The following WWOX variants were observed in gnomAD, a reference collection of about 807,000 sequenced individuals.
WWOX encodes the protein WW domain containing oxidoreductase.
In WWOX, 69 loss-of-function variants were observed where a neutral mutation model predicts 46.2. That is an observed-to-expected ratio of 1.49 (90% confidence interval 1.23 to 1.82). The LOEUF (loss-of-function observed/expected upper bound fraction) is 1.82, where lower values mean the gene tolerates loss of function less well. Among genes scored for constraint, WWOX ranks in the 40% most tolerant of loss-of-function variants. WWOX has a pLI of 0.00. For missense variants in WWOX, 919 were observed against 542.6 expected (o/e 1.69, Z -6.89); for synonymous variants, 359 against 202.6 (o/e 1.77, Z -6.56).
chr16:78,788,417 T>C (rs1011718525), intron 8 of WWOX, among the ~76,000 whole-genome samples: 9 of 152,180 alleles, frequency 5.9e-5, no homozygotes, highest in East Asian at 3.9e-4. Context: ...ACCTTTTTGA[T>C]TGTGAGTCTT....
intron 8 of WWOX, among the ~76,000 whole-genome samples, chr16:78,442,963 A>G (rs1458105890): frequency 6.6e-6 from 1 of 151,836 alleles, no homozygotes; most frequent in Non-Finnish European, 1.5e-5. Flanking sequence ...TCTACCAAAA[A>G]TACAAAAAAA....
At chr16:78,717,928 G>A (rs1451870332) in intron 8 of WWOX, among the ~76,000 whole-genome samples, 2 of 152,106 alleles carry the variant, frequency 1.3e-5, no homozygotes, top group African/African-American at 4.8e-5. Flanking sequence ...AACACCAAGT[G>A]TCTTATTGTA....
At chr16:78,167,397 A>C (rs2035008599) in intron 5 of WWOX, 1 of 152,142 alleles carries the variant, frequency 6.6e-6, no homozygotes, top group African/African-American at 2.4e-5. Flanking sequence ...TCAATTTCCG[A>C]TGATAGAATT....
chr16:78,546,207 A>G lies in WWOX; in HGVS notation c.1056+113455A>G, dbSNP rs146676263. On this transcript the variant is annotated intron_variant, in intron 8 of 8. Transcript: ENST00000566780. ...AAGTTACTAATACAGCTTAGAACAG[A>G]TGACTCTAACCTTGTGTAGGAGCTA... Among the ~76,000 whole-genome samples the G allele has an allele frequency of 3.6e-3, 551 of 152,312 alleles. 5 individuals carry two copies. The highest frequency in any genetic ancestry group is 0.013 in the African/African-American group (529 of 41,558).
chr16:78,584,213 C>T (rs141073049), intron 8 of WWOX, among the ~76,000 whole-genome samples: 234 of 152,298 alleles, frequency 1.5e-3, no homozygotes, highest in African/African-American at 5.3e-3. Context: ...TCACCATCAC[C>T]ATAGCTAGTA....
intron 4 of WWOX, among the ~76,000 whole-genome samples, chr16:78,154,120 C>T (rs1383030269): frequency 1.3e-5 from 2 of 152,174 alleles, no homozygotes; most frequent in Non-Finnish European, 2.9e-5. Context: ...GCCAAGCTCA[C>T]CAGTGGCCCA....
intron 8 of WWOX, among the ~76,000 whole-genome samples, chr16:79,055,015 G>A (rs1038671010): frequency 1.3e-5 from 2 of 152,188 alleles, no homozygotes; most frequent in African/African-American, 4.8e-5. Flanking sequence ...AAAACAACCT[G>A]AAAATGGCTT....
chr16:78,914,862 G>A (rs1218234248), intron 8 of WWOX, among the ~76,000 whole-genome samples: 1 of 128,552 alleles, frequency 7.8e-6, no homozygotes, highest in Non-Finnish European at 1.6e-5. Context: ...CCGGGTGACA[G>A]AGCGAGACTC....
intron 8 of WWOX, among the ~76,000 whole-genome samples, chr16:78,599,141 G>A (rs1347521529): frequency 1.3e-5 from 2 of 152,184 alleles, no homozygotes; most frequent in African/African-American, 4.8e-5. Flanking sequence ...AGGGGTTGCT[G>A]ATGGAGACTT....
At chr16:79,151,848 G>C (rs977631277) in intron 8 of WWOX, among the ~76,000 whole-genome samples, 1 of 152,182 alleles carries the variant, frequency 6.6e-6, no homozygotes, top group Non-Finnish European at 1.5e-5. Flanking sequence ...ACGCTAATGT[G>C]ATGATAATTC....
intron 8 of WWOX, among the ~76,000 whole-genome samples, chr16:78,643,576 T>G (rs951495501): frequency 3.3e-5 from 5 of 152,128 alleles, no homozygotes; most frequent in African/African-American, 1.2e-4. Context: ...TCCAGCCCCC[T>G]GTAGGAGAGG....
chr16:78,482,198 T>C (rs971075651), intron 8 of WWOX, among the ~76,000 whole-genome samples: 1 of 152,034 alleles, frequency 6.6e-6, no homozygotes, highest in African/African-American at 2.4e-5. Context: ...TTGAAGGAGG[T>C]CACTTGCTTT....
At chr16:78,774,570 C>G (rs559550734) in intron 8 of WWOX, among the ~76,000 whole-genome samples, 2 of 149,314 alleles carry the variant, frequency 1.3e-5, no homozygotes, top group Admixed American at 1.3e-4. Context: ...GTGTCCCCCT[C>G]CCCCCCCACA....
intron 8 of WWOX, among the ~76,000 whole-genome samples, chr16:78,618,144 C>A (rs1460829473): frequency 2.0e-5 from 3 of 152,210 alleles, no homozygotes; most frequent in Non-Finnish European, 4.4e-5. Context: ...GGAAATCACT[C>A]ACTGAAGGCC....
At chr16:78,912,304 A>T (rs561296834) in intron 8 of WWOX, among the ~76,000 whole-genome samples, 4 of 152,132 alleles carry the variant, frequency 2.6e-5, no homozygotes, top group South Asian at 2.1e-4. Flanking sequence ...GCACTATGCT[A>T]TGCACCTTAT....
At chr16:78,367,833 T>C (rs2081575605) in intron 5 of WWOX, among the ~76,000 whole-genome samples, 1 of 152,054 alleles carries the variant, frequency 6.6e-6, no homozygotes, top group African/African-American at 2.4e-5. Context: ...CTCAGCTCAC[T>C]GCAACCTCTG....
intron 8 of WWOX, among the ~76,000 whole-genome samples, chr16:78,872,271 C>T (rs757920286): frequency 2.0e-5 from 3 of 152,200 alleles, no homozygotes; most frequent in Non-Finnish European, 4.4e-5. Flanking sequence ...TACTTAATTT[C>T]TCCAAGTCTC....
At chr16:78,774,657 G>C (rs940529027) in intron 8 of WWOX, among the ~76,000 whole-genome samples, 4 of 151,816 alleles carry the variant, frequency 2.6e-5, no homozygotes, top group Admixed American at 6.6e-5. Flanking sequence ...CCCAGGCTCC[G>C]GGCAGTTCCT....
intron 5 of WWOX, among the ~76,000 whole-genome samples, chr16:78,218,084 C>G (rs2036780412): frequency 6.6e-6 from 1 of 151,938 alleles, no homozygotes; most frequent in Non-Finnish European, 1.5e-5. Flanking sequence ...GACAGGCTCT[C>G]ACTCTTGTCA....
Sources: gnomAD v4.1 joint callset for allele counts (sites outside exome capture counted in the v4.1 genomes callset) on GRCh38, gnomAD v4.1.1 for gene constraint, MANE v1.5 for transcripts, NCBI Gene and HGNC (gene_info 2026-07-23, HGNC 2026-07-21) for gene names.